KIAA1217: variants seen among roughly 807,000 people sequenced by gnomAD.
KIAA1217 encodes KIAA1217.
Under a neutral mutation model 163.9 loss-of-function variants are expected in KIAA1217, and 88 were observed. The ratio of observed to expected loss-of-function variants is 0.54; its 90% CI spans 0.45 to 0.64. The LOEUF is 0.64. Ranked by LOEUF, KIAA1217 falls within the 30% of genes least tolerant of loss-of-function variation. KIAA1217 has a pLI of 0.00. For missense variants in KIAA1217, 2,372 were observed against 2,475.0 expected, an observed-to-expected ratio of 0.96 and a Z score of 0.88; for synonymous variants, 903 against 923.1, an observed-to-expected ratio of 0.98 and a Z score of 0.39.
intron 1 of KIAA1217, among the ~76,000 whole-genome samples, chr10:23,777,541 A>C (rs1835058367): frequency 6.6e-6 from 1 of 152,238 alleles, no homozygotes; most frequent in South Asian, 2.1e-4. Context: ...AAAGAAACAA[A>C]GGTTAGAGCT....
chr10:24,545,580 G>GGAAT (rs777050071), intron 20 of KIAA1217: 1 of 1,368,026 alleles, frequency 7.3e-7, no homozygotes, highest in Non-Finnish European at 9.4e-7. Flanking sequence ...TGGTAGAGCT[G>GGAAT]GAATGATGGG....
chr10:24,037,344 G>A (rs931187638), intron 2 of KIAA1217, among the ~76,000 whole-genome samples: 3 of 152,096 alleles, frequency 2.0e-5, no homozygotes, highest in Admixed American at 2.0e-4. Flanking sequence ...TAAAAAACTA[G>A]CCAGGCATGG....
intron 1 of KIAA1217, among the ~76,000 whole-genome samples, chr10:23,993,555 T>TTTTTTTTTTTTC (rs1846323097): frequency 8.8e-6 from 1 of 113,838 alleles, no homozygotes; most frequent in Non-Finnish European, 1.8e-5. Flanking sequence ...TAGCCCAGCT[T>TTTTTTTTTTTTC]TTTTTTTTTT....
chr10:24,342,363 TGTA>T (rs2047195822), intron 2 of KIAA1217, among the ~76,000 whole-genome samples: 1 of 152,208 alleles, frequency 6.6e-6, no homozygotes, highest in South Asian at 2.1e-4. Flanking sequence ...TCAAATTAAA[TGTA>T]ATATATGTAC....
intron 2 of KIAA1217, among the ~76,000 whole-genome samples, chr10:24,176,684 G>C (rs2065906038): frequency 6.6e-6 from 1 of 152,266 alleles, no homozygotes; most frequent in Non-Finnish European, 1.5e-5. Flanking sequence ...TCCTACACCA[G>C]AGCCGCGGGC....
chr10:24,365,775 T>A (rs929779284), intron 2 of KIAA1217, among the ~76,000 whole-genome samples: 8 of 152,228 alleles, frequency 5.3e-5, no homozygotes, highest in African/African-American at 1.9e-4. Context: ...TCTGGAGACC[T>A]GTTGTTTGGC....
intron 1 of KIAA1217, among the ~76,000 whole-genome samples, chr10:23,812,549 AG>A (rs2130988353): frequency 1.3e-5 from 2 of 152,274 alleles, no homozygotes; most frequent in African/African-American, 4.8e-5. Context: ...ATTACATACA[AG>A]TTACTCATTT....
chr10:23,712,146 G>C (rs578165779), intron 1 of KIAA1217, among the ~76,000 whole-genome samples: 42 of 152,234 alleles, frequency 2.8e-4, no homozygotes, highest in Admixed American at 1.2e-3. Flanking sequence ...GGGCCAAACT[G>C]TACAGGGTAT....
At chr10:24,050,317 T>A (rs1346827031) in intron 2 of KIAA1217, among the ~76,000 whole-genome samples, 1 of 152,088 alleles carries the variant, frequency 6.6e-6, no homozygotes, top group Non-Finnish European at 1.5e-5. Context: ...TAATTAGATC[T>A]CATTTGTCAA....
Position 24,158,630 on chromosome 10 carries a change from T to G in KIAA1217, c.-170-60996T>G. The G allele has an allele frequency of 5.9e-6, 3 of 509,996 alleles. No individual in the cohort carries two copies. The East Asian group carries it at 1.5e-4, about 26-fold the overall frequency. The allele number at this position is 509,996 out of a possible 1,614,324, so 31.6% of individuals were successfully genotyped here. ...CCATCTTTCGCCTTTACACCACCAA[T>G]CAAAACTTTAGGTACACTAGCACAA... On this transcript the variant is annotated intron_variant, in intron 2 of 18. Transcript: ENST00000376462.
chr10:24,320,829 GTCGGGAGA>G (rs1217475288), intron 2 of KIAA1217, among the ~76,000 whole-genome samples: 1 of 151,912 alleles, frequency 6.6e-6, no homozygotes, highest in Non-Finnish European at 1.5e-5. Flanking sequence ...GGATCACGAG[GTCGGGAGA>G]TCGAGACCAT....
At chr10:24,497,569 C>T (rs1167043511) in intron 8 of KIAA1217, among the ~76,000 whole-genome samples, 1 of 151,712 alleles carries the variant, frequency 6.6e-6, no homozygotes, top group Non-Finnish European at 1.5e-5. Flanking sequence ...CCTGTCTCCA[C>T]AAAAAATGAG....
At chr10:24,061,932 T>G (rs2060738445) in intron 2 of KIAA1217, among the ~76,000 whole-genome samples, 1 of 152,174 alleles carries the variant, frequency 6.6e-6, no homozygotes, top group Non-Finnish European at 1.5e-5. Context: ...TTCCTCACAT[T>G]TGAGAATCTT....
chr10:24,118,125 T>C (rs1309866057), intron 2 of KIAA1217, among the ~76,000 whole-genome samples: 1 of 147,654 alleles, frequency 6.8e-6, no homozygotes, highest in Non-Finnish European at 1.5e-5. Context: ...AACCTGCACA[T>C]GTACCCCTGA....
chr10:24,415,039 T>C (rs2058112288), intron 3 of KIAA1217, among the ~76,000 whole-genome samples: 2 of 151,826 alleles, frequency 1.3e-5, no homozygotes, highest in East Asian at 1.9e-4. Flanking sequence ...GTCCCCAAGA[T>C]GGCTGCTCTT....
chr10:23,708,781 T>C (rs894851506), intron 1 of KIAA1217, among the ~76,000 whole-genome samples: 1 of 152,056 alleles, frequency 6.6e-6, no homozygotes, highest in African/African-American at 2.4e-5. Flanking sequence ...GCAAAAAACA[T>C]ATATGGATGA....
intron 2 of KIAA1217, among the ~76,000 whole-genome samples, chr10:24,065,787 G>A (rs1429572976): frequency 6.6e-6 from 1 of 152,130 alleles, no homozygotes; most frequent in African/African-American, 2.4e-5. Context: ...AAGTCTCTTT[G>A]TAGGTCACTA....
At chr10:23,979,557 TA>T (rs1455366151) in intron 1 of KIAA1217, among the ~76,000 whole-genome samples, 1 of 152,216 alleles carries the variant, frequency 6.6e-6, no homozygotes, top group Non-Finnish European at 1.5e-5. Flanking sequence ...CATTTTATTA[TA>T]AAATAAAACG....
chr10:24,027,883 A>G (rs970696892), intron 2 of KIAA1217, among the ~76,000 whole-genome samples: 1 of 152,098 alleles, frequency 6.6e-6, no homozygotes, highest in African/African-American at 2.4e-5. Context: ...GTCTAATAGC[A>G]CAATCTGGGT....
Sources: gnomAD v4.1 joint callset for allele counts (sites outside exome capture counted in the v4.1 genomes callset) on GRCh38, gnomAD v4.1.1 for gene constraint, MANE v1.5 for transcripts, NCBI Gene and HGNC (gene_info 2026-07-23, HGNC 2026-07-21) for gene names.